Variants in DDX60 observed in about 807,000 individuals in gnomAD.
The protein encoded by DDX60 is probable ATP-dependent RNA helicase DDX60.
In DDX60, 165 loss-of-function variants were observed where a neutral mutation model predicts 212.8. The ratio of observed to expected loss-of-function variants is 0.78; its 90% CI spans 0.68 to 0.88. The LOEUF is 0.88. Among genes scored for constraint, DDX60 ranks in the 40% least tolerant of loss-of-function variants. The probability of loss-of-function intolerance (pLI) is 0.00; values close to 1 mark genes in which losing one functional copy is unlikely to be tolerated. For missense variants in DDX60, 1,905 were observed against 2,003.9 expected (o/e 0.95, Z 0.94); for synonymous variants, 703 against 685.3 (o/e 1.03, Z -0.40).
At chr4:168,295,305 A>G (rs1227806161) in intron 6 of DDX60, among the ~76,000 whole-genome samples, 1 of 152,230 alleles carries the variant, frequency 6.6e-6, no homozygotes, top group Non-Finnish European at 1.5e-5. Context: ...TCGTACTTCT[A>G]TATTTGAATC....
rs1435608144 is a variant in DDX60 at position 168,237,787 on chromosome 4, T to C, written c.4173A>G (p.Ser1391=). Residue 1391 remains serine, a synonymous_variant, in exon 31 of 38, where the codon TCA becomes TCG. Transcript: ENST00000393743. The part of the protein sequence containing the change: ...DPEDAKAKVL[S]VLKHSLLSFK... ...AGGACAGCAATGAATGCTTTAGCAC[T>C]GATAGCACCTTTAAAGAAAAGAGTA... 1 of 1,600,836 alleles carries C rather than the reference T, an allele frequency of 6.2e-7. No individual in the cohort carries two copies. Among genetic ancestry groups the C allele is most frequent in the Non-Finnish European group, 8.5e-7 (1 of 1,174,380 alleles).
chr4:168,322,860 C>T (rs1183005201), upstream of DDX60, among the ~76,000 whole-genome samples: 2 of 152,226 alleles, frequency 1.3e-5, no homozygotes, highest in Non-Finnish European at 2.9e-5. Flanking sequence ...CTATGGGAAC[C>T]AGGGTCTGCA....
At chr4:168,306,777 T>C (rs1736902980) in intron 4 of DDX60, 57 bp from the exon 5 acceptor site, 1 of 1,329,176 alleles carries the variant, frequency 7.5e-7, no homozygotes, top group African/African-American at 1.5e-5. Context: ...AATCATTTAG[T>C]TGGCTAACAC....
chr4:168,225,724 C>T (rs1480233245), intron 33 of DDX60, 48 bp from the exon 34 acceptor site: 2 of 1,555,642 alleles, frequency 1.3e-6, no homozygotes, highest in African/African-American at 1.4e-5. Flanking sequence ...TACCTTCCTT[C>T]AAAACTGAAT....
At chr4:168,242,774 G>T (rs1281584443) in intron 30 of DDX60, among the ~76,000 whole-genome samples, 5 of 152,144 alleles carry the variant, frequency 3.3e-5, no homozygotes, top group Non-Finnish European at 5.9e-5. Context: ...AAGACTCTGG[G>T]AGACTGTTAG....
At chr4:168,295,623 C>T (rs904586303) in intron 6 of DDX60, among the ~76,000 whole-genome samples, 2 of 152,168 alleles carry the variant, frequency 1.3e-5, no homozygotes, top group African/African-American at 2.4e-5. Context: ...ATATGTGAAT[C>T]GTTCATTGCT....
the DDX60 span, among the ~76,000 whole-genome samples, chr4:168,325,671 G>A: frequency 6.6e-6 from 1 of 152,184 alleles, no homozygotes; most frequent in African/African-American, 2.4e-5. Flanking sequence ...ACTGGTCAGT[G>A]AGAGGAAACA....
chr4:168,318,405 T>C (rs951116993), intron 1 of DDX60, among the ~76,000 whole-genome samples: 1 of 152,238 alleles, frequency 6.6e-6, no homozygotes, highest in Non-Finnish European at 1.5e-5. Context: ...CTTTCGCGGT[T>C]GTCCCTTTCC....
Position 168,287,056 on chromosome 4 carries a change from G to T in DDX60, c.1331C>A (p.Pro444Gln). 2.5e-6 allele frequency: 4 copies of T among 1,601,622 alleles called. No homozygotes were observed. The highest frequency in any genetic ancestry group is 1.1e-5 in the South Asian group (1 of 88,026). Residue 444 changes from proline to glutamine, a missense_variant, in exon 10 of 38, where the codon CCA becomes CAA. Physicochemically the swap from Pro to Gln is moderately conservative, Grantham distance 76 (BLOSUM62 -1). Transcript: ENST00000393743. ...ATTTAGAAATTTATTACCTTTGATT[G>T]GTGATGGTTTCTTTTCAAGAAAACA... Reference protein sequence around the residue: ...KVCFLEKKPSPIKDSSNEMVP... With the variant: ...KVCFLEKKPSQIKDSSNEMVP...
intron 6 of DDX60, among the ~76,000 whole-genome samples, chr4:168,295,081 CAA>C (rs1736282709): frequency 6.6e-6 from 1 of 151,790 alleles, no homozygotes. Context: ...TGAAAGATAA[CAA>C]GTGTCAGAGA....
intron 30 of DDX60, among the ~76,000 whole-genome samples, chr4:168,238,163 C>T (rs542606163): frequency 1.5e-5 from 2 of 136,486 alleles, no homozygotes; most frequent in East Asian, 4.4e-4. Flanking sequence ...AAAAATATTG[C>T]TTGTTTTCCA....
chr4:168,314,552 A>T (rs1012377151), intron 1 of DDX60, among the ~76,000 whole-genome samples: 1 of 152,236 alleles, frequency 6.6e-6, no homozygotes, highest in Non-Finnish European at 1.5e-5. Flanking sequence ...CACATTTAAA[A>T]CATAATTTTA....
At chr4:168,265,850 G>A (rs1228735962) in intron 22 of DDX60, among the ~76,000 whole-genome samples, 1 of 90,292 alleles carries the variant, frequency 1.1e-5, no homozygotes, top group Admixed American at 1.2e-4. Flanking sequence ...GGGAAGGGAA[G>A]GGAAGGGAAG....
At chr4:168,230,744 G>A (rs544428385) in intron 33 of DDX60, among the ~76,000 whole-genome samples, 1 of 152,020 alleles carries the variant, frequency 6.6e-6, no homozygotes, top group African/African-American at 2.4e-5. Context: ...GTCTGAAAGA[G>A]CAAAAATAGA....
intron 25 of DDX60, among the ~76,000 whole-genome samples, chr4:168,257,412 A>G (rs1341789502): frequency 1.3e-5 from 2 of 152,224 alleles, no homozygotes; most frequent in Non-Finnish European, 2.9e-5. Flanking sequence ...AGAAGGCACT[A>G]TTAATATTAA....
chr4:168,284,690 T>G, intron 12 of DDX60, 130 bp downstream of exon 12: 1 of 483,918 alleles, frequency 2.1e-6, no homozygotes, highest in Non-Finnish European at 3.7e-6. Flanking sequence ...CCAATGCACA[T>G]CTAAATATCT....
At chr4:168,257,513 T>C (rs1734463212) in intron 25 of DDX60, among the ~76,000 whole-genome samples, 2 of 152,312 alleles carry the variant, frequency 1.3e-5, no homozygotes, top group South Asian at 4.1e-4. Flanking sequence ...CAGGCCCCTG[T>C]TCTCAAATCC....
intron 7 of DDX60, among the ~76,000 whole-genome samples, chr4:168,292,788 G>C (rs148535864): frequency 1.3e-5 from 2 of 152,142 alleles, no homozygotes; most frequent in African/African-American, 4.8e-5. Context: ...GATTTCATCA[G>C]GGCACCTCCA....
chr4:168,275,087 T>C (rs1735274928), intron 16 of DDX60, among the ~76,000 whole-genome samples: 6 of 152,224 alleles, frequency 3.9e-5, no homozygotes, highest in African/African-American at 1.4e-4. Flanking sequence ...ATGATACAGC[T>C]GGATGACACT....
Sources: gnomAD v4.1 joint callset for allele counts (sites outside exome capture counted in the v4.1 genomes callset) on GRCh38, gnomAD v4.1.1 for gene constraint, MANE v1.5 for transcripts, NCBI Gene and HGNC (gene_info 2026-07-23, HGNC 2026-07-21) for gene names.